ABCC5: variants seen among roughly 807,000 people sequenced by gnomAD.
The protein encoded by ABCC5 is ATP-binding cassette sub-family C member 5.
ABCC5 carries 61 observed loss-of-function variants against 160.9 expected under a neutral mutation model. The observed-to-expected ratio is 0.38, with a 90% CI of 0.31 to 0.47. The LOEUF is 0.47. ABCC5 is among the 20% of genes least tolerant of loss of function. The probability of loss-of-function intolerance (pLI) is 0.99; values close to 1 mark genes in which losing one functional copy is unlikely to be tolerated. For missense variants in ABCC5, 1,308 were observed against 1,813.3 expected (o/e 0.72, Z 5.06); for synonymous variants, 666 against 700.6 (o/e 0.95, Z 0.78).
At chr3:183,924,997 C>T (rs559914447) in intron 29 of ABCC5, among the ~76,000 whole-genome samples, 1 of 152,322 alleles carries the variant, frequency 6.6e-6, no homozygotes, top group East Asian at 1.9e-4. Flanking sequence ...TAGCCAACCG[C>T]ACCTGCAAAG....
chr3:184,000,935 A>T (rs1576930026), intron 2 of ABCC5: 1 of 340,962 alleles, frequency 2.9e-6, no homozygotes, highest in Non-Finnish European at 5.2e-6. Context: ...TGTAATTTAA[A>T]TTTTTCTAGT....
chr3:183,939,392 C>T (rs1714069599), intron 25 of ABCC5, among the ~76,000 whole-genome samples: 3 of 152,206 alleles, frequency 2.0e-5, no homozygotes, highest in Non-Finnish European at 4.4e-5. Flanking sequence ...AAGATCGTAT[C>T]ATTGCACTCC....
chr3:183,969,872 C>G (rs1383955858), intron 11 of ABCC5, among the ~76,000 whole-genome samples: 1 of 152,120 alleles, frequency 6.6e-6, no homozygotes, highest in Non-Finnish European at 1.5e-5. Context: ...TACCATGCCT[C>G]TGGTCAGTTG....
At chr3:183,959,397 C>T (rs991204377) in intron 17 of ABCC5, among the ~76,000 whole-genome samples, 6 of 152,150 alleles carry the variant, frequency 3.9e-5, no homozygotes, top group Admixed American at 3.9e-4. Context: ...TTTTCATGAG[C>T]AGAGGCGAAT....
chr3:183,925,388 A>C (rs1712434536), intron 29 of ABCC5, among the ~76,000 whole-genome samples, 167 bp downstream of exon 29: 1 of 152,212 alleles, frequency 6.6e-6, no homozygotes, highest in Non-Finnish European at 1.5e-5. Flanking sequence ...TGCCTGAGTA[A>C]TCTTGTGATT....
rs193274857 is a variant in ABCC5, at chr3:183,920,736, G to A, written c.*564C>T. ...GAGCGGCCGTGGGGAGGCGGCAGAG[G>A]GGGCTGTCGGAGGGCCCACTATTGC... is the stretch of plus-strand genomic sequence containing the variant. On this transcript the variant is annotated 3_prime_UTR_variant, in exon 30 of 30. Transcript: ENST00000334444. The surrounding 1 kb of genome is among the most constrained non-coding windows in gnomAD (Gnocchi z 4.1). 2.6e-5 allele frequency: 4 copies of A among 152,720 alleles called. No homozygotes were observed. The East Asian group carries it at 5.8e-4, about 22-fold the overall frequency. The allele number at this position is 152,720 out of a possible 1,614,324, so 9.5% of individuals were successfully genotyped here.
rs1426318429 is a variant in ABCC5 at position 183,978,578 on chromosome 3, G to A, written c.1221C>T (p.Pro407=). The change falls in exon 9 of 30, where the codon CCC becomes CCT. Residue 407 remains proline (P), a synonymous_variant. Transcript: ENST00000334444. ...CCACGCTGGCAATCACCACCACAAT[G>A]GGAGCCACACCCACAGTGATGCTCT... The part of the protein sequence containing the change: ...YFQSITVGVA[P]IVVVIASVVT... 1 of 1,614,010 alleles carries A rather than the reference G, an allele frequency of 6.2e-7. No individual in the cohort carries two copies. The highest frequency in any genetic ancestry group is 1.7e-5 in the Admixed American group (1 of 59,992).
At chr3:183,927,229 A>G (rs1712671826) in intron 28 of ABCC5, 101 bp downstream of exon 28, 3 of 1,179,286 alleles carry the variant, frequency 2.5e-6, no homozygotes, top group African/African-American at 1.5e-5. Flanking sequence ...AAGTGCCAAC[A>G]GGGATCAGAG....
At chr3:183,965,992 A>G (rs1205432072) in intron 12 of ABCC5, among the ~76,000 whole-genome samples, 1 of 152,130 alleles carries the variant, frequency 6.6e-6, no homozygotes, top group East Asian at 1.9e-4. Context: ...ATATATACAC[A>G]GTGTCCATTT....
At position 183,987,654 on chromosome 3, in the gene ABCC5, C is replaced by T; in HGVS notation, c.591+116G>A. The T allele has an allele frequency of 1.4e-6, 2 of 1,445,368 alleles. No homozygotes were observed. Among genetic ancestry groups the T allele is most frequent in the Non-Finnish European group, 1.9e-6 (2 of 1,050,136 alleles). 89.5% of individuals were successfully genotyped at this position (1,445,368 alleles called of 1,614,324 possible). A position where few individuals can be genotyped will look rare whatever the true frequency, so the allele number is the denominator to read the frequency against. Reference sequence around the variant, plus strand: ...CCCCTTTCAACAGACCTGAAGGCATCTCTAAGACTGCTACCTAGCCCAAAG... The same window carrying T: ...CCCCTTTCAACAGACCTGAAGGCATTTCTAAGACTGCTACCTAGCCCAAAG... On this transcript the variant is annotated intron_variant, in intron 5 of 29. Transcript: ENST00000334444. This position sits in a 1 kb window ranked among gnomAD's most constrained non-coding sequence, Gnocchi z 4.2.
intron 26 of ABCC5, among the ~76,000 whole-genome samples, chr3:183,933,758 A>G (rs979630069): frequency 6.6e-6 from 1 of 152,102 alleles, no homozygotes; most frequent in East Asian, 1.9e-4. Context: ...CAACTCAACA[A>G]TTTTTATCTT....
chr3:183,942,433 C>G (rs1409485896), intron 25 of ABCC5: 2 of 569,490 alleles, frequency 3.5e-6, no homozygotes, highest in African/African-American at 1.8e-5. Context: ...AGATAGCTAC[C>G]AAAATGTTAC....
chr3:183,945,740 A>C (rs1464427417), intron 24 of ABCC5, 110 bp downstream of exon 24: 1 of 810,656 alleles, frequency 1.2e-6, no homozygotes, highest in African/African-American at 1.7e-5. Context: ...CTGTGGGATT[A>C]GATAGGCAGA....
chr3:183,960,713 T>G (rs938323032), intron 16 of ABCC5, among the ~76,000 whole-genome samples: 7 of 152,116 alleles, frequency 4.6e-5, no homozygotes, highest in African/African-American at 1.7e-4. Context: ...ACACAGGGAC[T>G]CAATAAACAG....
intron 18 of ABCC5, 106 bp downstream of exon 18, chr3:183,952,980 T>G (rs1023205314): frequency 4.1e-5 from 52 of 1,280,532 alleles, no homozygotes; most frequent in Non-Finnish European, 5.4e-5. Context: ...TCTTTACAGC[T>G]TCTTTTAAGT....
At chr3:183,959,608 G>T (rs1039758296) in intron 17 of ABCC5, 125 bp downstream of exon 17, 15 of 756,720 alleles carry the variant, frequency 2.0e-5, no homozygotes, top group African/African-American at 1.8e-4. Context: ...TTGTTTTCCA[G>T]AAATGTAAGA....
chr3:184,010,037 T>A, intron 2 of ABCC5: 2 of 404,328 alleles, frequency 4.9e-6, no homozygotes, highest in Non-Finnish European at 9.9e-6. Flanking sequence ...CCAGATGTGG[T>A]GGCTGACGCC....
At chr3:183,968,722 C>T (rs557473014) in intron 11 of ABCC5, among the ~76,000 whole-genome samples, 2 of 152,232 alleles carry the variant, frequency 1.3e-5, no homozygotes, top group East Asian at 1.9e-4. Flanking sequence ...TTTACAACCC[C>T]GTGCCAGTTC....
intron 2 of ABCC5, among the ~76,000 whole-genome samples, chr3:183,991,964 C>T (rs1372088626): frequency 6.6e-6 from 1 of 152,170 alleles, no homozygotes; most frequent in Non-Finnish European, 1.5e-5. Flanking sequence ...CAGAATGTTA[C>T]AGGGACCAGC....
Sources: allele counts gnomAD v4.1 joint callset (sites outside exome capture counted in the v4.1 genomes callset), GRCh38; gene constraint gnomAD v4.1.1; non-coding constraint Gnocchi (gnomAD v3.1); transcripts MANE v1.5; gene names NCBI Gene and HGNC (gene_info 2026-07-23, HGNC 2026-07-21).